SCARB1: variants seen among roughly 807,000 people sequenced by gnomAD.
The protein encoded by SCARB1 is CD36 and LIMPII analogous 1.
In SCARB1, 30 loss-of-function variants were observed where a neutral mutation model predicts 57.2. That is an observed-to-expected ratio of 0.52 (90% CI 0.39 to 0.71). The LOEUF is 0.71. SCARB1 is among the 30% of genes least tolerant of loss of function. The pLI is 0.00. For missense variants in SCARB1, 543 were observed against 671.2 expected, an observed-to-expected ratio of 0.81 and a Z score of 2.11; for synonymous variants, 249 against 268.3, an observed-to-expected ratio of 0.93 and a Z score of 0.70.
chr12:124,790,939 G>A (rs1949706847), intron 9 of SCARB1, among the ~76,000 whole-genome samples: 1 of 152,216 alleles, frequency 6.6e-6, no homozygotes, highest in East Asian at 1.9e-4. Context: ...TGACAAGGAT[G>A]GCTCACTGTG....
At chr12:124,779,829 C>T (rs1873099415) in intron 12 of SCARB1, among the ~76,000 whole-genome samples, 1 of 152,150 alleles carries the variant, frequency 6.6e-6, no homozygotes, top group African/African-American at 2.4e-5. Flanking sequence ...AACTCCTGCT[C>T]AGGGCAGAGA....
intron 1 of SCARB1, among the ~76,000 whole-genome samples, chr12:124,825,446 G>A (rs113608117): frequency 0.042 from 6,353 of 152,188 alleles, 483 homozygotes; most frequent in African/African-American, 0.14. Context: ...CGAGGCGGGT[G>A]GATCACTTGA....
chr12:124,841,018 A>G (rs1951885194), intron 1 of SCARB1, among the ~76,000 whole-genome samples: 1 of 151,816 alleles, frequency 6.6e-6, no homozygotes, highest in East Asian at 1.9e-4. Context: ...AAAATACAAA[A>G]ATTAGCCGAG....
Position 124,814,468 on chromosome 12 carries a change from C to A in SCARB1, c.427-63G>T. On this transcript the variant is annotated intron_variant, in intron 3 of 12. Coordinates refer to ENST00000261693, the MANE Select transcript of SCARB1 (RefSeq NM_005505.5). This position sits in a 1 kb window ranked among gnomAD's most constrained non-coding sequence, Gnocchi z 4.7. ...GTGGCTGGCCCATCCTCCCTTGGCC[C>A]CAGCTGGGCCTCACAGCAAAGAGCC... 2 of 1,540,228 alleles carry A rather than the reference C, an allele frequency of 1.3e-6. No individual in the cohort carries two copies. The highest frequency in any genetic ancestry group is 1.1e-5 in the South Asian group (1 of 89,054).
At chr12:124,801,651 G>A (rs1243199183) in intron 7 of SCARB1, among the ~76,000 whole-genome samples, 1 of 151,902 alleles carries the variant, frequency 6.6e-6, no homozygotes, top group Non-Finnish European at 1.5e-5. Flanking sequence ...AGCATGGTAT[G>A]TGCCTGTAAT....
At position 124,814,137 on chromosome 12, in the gene SCARB1, A is replaced by C; in HGVS notation, c.630+65T>G. On this transcript the variant is annotated intron_variant, in intron 4 of 12. Transcript: ENST00000261693. The surrounding 1 kb of genome is among the most constrained non-coding windows in gnomAD (Gnocchi z 4.7). Reference sequence around the variant, plus strand: ...CAAAGCAAGCTGGTGACCAGTGTCCAGGCTGTGTGAGGGGAAGACAGGACA... The same window carrying C: ...CAAAGCAAGCTGGTGACCAGTGTCCCGGCTGTGTGAGGGGAAGACAGGACA... The C allele has an allele frequency of 6.8e-7, 1 of 1,465,678 alleles. No homozygotes were observed. The highest frequency in any genetic ancestry group is 9.6e-7 in the Non-Finnish European group (1 of 1,045,614). The allele number at this position is 1,465,678 out of a possible 1,614,324, so 90.8% of individuals were successfully genotyped here. A position where few individuals can be genotyped will look rare whatever the true frequency, so the allele number is the denominator to read the frequency against.
At position 124,789,972 on chromosome 12, in the gene SCARB1, T is replaced by C. The variant is rs186927315; in HGVS notation, c.1203-2515A>G. ...GTTGCAGTGAGCGGAGATCATGCCA[T>C]TGCACTCCAGCCTGGCGACAGAGTG... is the stretch of plus-strand genomic sequence containing the variant. On this transcript the variant is annotated intron_variant, in intron 9 of 12. Transcript: ENST00000261693. The surrounding 1 kb of genome is among the most constrained non-coding windows in gnomAD (Gnocchi z 4.4). Among the ~76,000 whole-genome samples, 280 of 143,520 alleles carry C rather than the reference T, an allele frequency of 2.0e-3. 2 individuals carry two copies. The highest frequency in any genetic ancestry group is 7.4e-3 in the African/African-American group (271 of 36,796). 94.2% of individuals were successfully genotyped at this position (143,520 alleles called of 152,430 possible). A position where few individuals can be genotyped will look rare whatever the true frequency, so the allele number is the denominator to read the frequency against.
intron 1 of SCARB1, among the ~76,000 whole-genome samples, chr12:124,855,237 G>T (rs1249712252): frequency 6.6e-6 from 1 of 152,198 alleles, no homozygotes; most frequent in African/African-American, 2.4e-5. Context: ...CCCCAGCACA[G>T]GCAATCAGTG....
intron 1 of SCARB1, among the ~76,000 whole-genome samples, chr12:124,845,062 C>T (rs1451639015): frequency 1.3e-5 from 2 of 151,786 alleles, no homozygotes; most frequent in East Asian, 2.0e-4. Context: ...GGTTTACAGA[C>T]GCAGCCACAC....
intron 1 of SCARB1, among the ~76,000 whole-genome samples, chr12:124,837,443 AAAAG>A (rs1296290394): frequency 2.8e-4 from 39 of 140,612 alleles, no homozygotes; most frequent in African/African-American, 9.5e-4. Flanking sequence ...GGGAAGAAAG[AAAAG>A]AAAGAAAGAA....
chr12:124,820,475 C>G (rs983910549), intron 1 of SCARB1, among the ~76,000 whole-genome samples: 3 of 152,114 alleles, frequency 2.0e-5, no homozygotes, highest in Non-Finnish European at 4.4e-5. Flanking sequence ...CGGCTCCCAC[C>G]ACCCCATGCG....
At chr12:124,783,526 T>C (rs1312582424) in intron 11 of SCARB1, 1 of 152,152 alleles carries the variant, frequency 6.6e-6, no homozygotes, top group Non-Finnish European at 1.5e-5. Flanking sequence ...TCCCAGAACT[T>C]TGGGAGGCCA....
intron 10 of SCARB1, among the ~76,000 whole-genome samples, chr12:124,786,726 G>C (rs34382249): frequency 1.9e-4 from 29 of 152,320 alleles, no homozygotes; most frequent in African/African-American, 6.0e-4. Flanking sequence ...CCATATGATC[G>C]TGTCCTGACC....
chr12:124,846,594 C>A (rs1952162253), intron 1 of SCARB1, among the ~76,000 whole-genome samples: 1 of 151,708 alleles, frequency 6.6e-6, no homozygotes, highest in South Asian at 2.1e-4. Context: ...ACTAAAAATA[C>A]AAAAATTAGC....
intron 11 of SCARB1, 69 bp downstream of exon 11, chr12:124,786,288 T>G (rs1351036327): frequency 6.2e-7 from 1 of 1,604,996 alleles, no homozygotes; most frequent in East Asian, 2.2e-5. Flanking sequence ...GGGTCCGATC[T>G]GAGGCCCCTT....
At chr12:124,833,081 T>A (rs1006394888) in intron 1 of SCARB1, among the ~76,000 whole-genome samples, 16 of 152,068 alleles carry the variant, frequency 1.1e-4, no homozygotes, top group South Asian at 1.0e-3. Context: ...CCCCTGCTTC[T>A]GAGGTCACAT....
chr12:124,800,263 G>C lies in SCARB1; in HGVS notation c.1010-21C>G. The C allele has an allele frequency of 6.4e-7, 1 of 1,564,768 alleles. No individual in the cohort carries two copies. Among genetic ancestry groups the C allele is most frequent in the African/African-American group, 1.4e-5 (1 of 73,614 alleles). Reference sequence around the variant, plus strand: ...GGCACCTAGAAGAGGGGCAGGGAGGGGACATCAGACAAGGACAGTATATTG... The same window carrying C: ...GGCACCTAGAAGAGGGGCAGGGAGGCGACATCAGACAAGGACAGTATATTG... On this transcript the variant is annotated intron_variant, in intron 7 of 12. Transcript: ENST00000261693. The surrounding 1 kb of genome is among the most constrained non-coding windows in gnomAD (Gnocchi z 4.8).
intron 9 of SCARB1, among the ~76,000 whole-genome samples, chr12:124,788,769 A>G (rs1223087957): frequency 6.6e-6 from 1 of 152,228 alleles, no homozygotes; most frequent in African/African-American, 2.4e-5. Context: ...TTCCACCAAT[A>G]TACCTCACGA....
At chr12:124,820,264 T>C (rs1950898482) in intron 1 of SCARB1, among the ~76,000 whole-genome samples, 1 of 152,094 alleles carries the variant, frequency 6.6e-6, no homozygotes, top group Admixed American at 6.6e-5. Flanking sequence ...ACAGCACCAT[T>C]ACTCTTTGAG....
Sources: allele counts gnomAD v4.1 joint callset (sites outside exome capture counted in the v4.1 genomes callset), GRCh38; gene constraint gnomAD v4.1.1; non-coding constraint Gnocchi (gnomAD v3.1); transcripts MANE v1.5; gene names NCBI Gene and HGNC (gene_info 2026-07-23, HGNC 2026-07-21).